P3H2: variants seen among roughly 807,000 people sequenced by gnomAD.
P3H2 encodes the protein prolyl 3-hydroxylase 2, also known as leprecan-like 1.
In P3H2, 80 loss-of-function variants were observed where a neutral mutation model predicts 87.0. That is an observed-to-expected ratio of 0.92 (90% CI 0.77 to 1.11). P3H2 has a LOEUF of 1.11. Among genes scored for constraint, P3H2 ranks in the 50% least tolerant of loss-of-function variants. P3H2 has a pLI of 0.00. For synonymous variants in P3H2, 367 were observed against 359.3 expected (o/e 1.02, Z -0.24); for missense variants, 1,001 against 923.9 (o/e 1.08, Z -1.08).
chr3:190,018,872 A>G (rs1358132546), intron 1 of P3H2, among the ~76,000 whole-genome samples: 2 of 152,186 alleles, frequency 1.3e-5, no homozygotes, highest in African/African-American at 4.8e-5. Context: ...TCACTCTTTC[A>G]GGTCAGAACA....
intron 1 of P3H2, among the ~76,000 whole-genome samples, chr3:190,089,349 G>T (rs756178410): frequency 6.6e-6 from 1 of 152,122 alleles, no homozygotes; most frequent in South Asian, 2.1e-4. Flanking sequence ...GCACATGTAC[G>T]CTACAACTTA....
chr3:190,035,582 A>C (rs928479276), intron 1 of P3H2, among the ~76,000 whole-genome samples: 7 of 152,184 alleles, frequency 4.6e-5, no homozygotes, highest in Admixed American at 4.6e-4. Context: ...TATGATGTAT[A>C]TAGCAATTTT....
intron 1 of P3H2, among the ~76,000 whole-genome samples, chr3:190,108,079 T>C (rs905982825): frequency 1.3e-5 from 2 of 152,182 alleles, no homozygotes; most frequent in African/African-American, 2.4e-5. Flanking sequence ...AGTGTTGGGA[T>C]TACAGGCATG....
At chr3:189,999,517 A>G (rs1221163679) in intron 1 of P3H2, among the ~76,000 whole-genome samples, 1 of 152,188 alleles carries the variant, frequency 6.6e-6, no homozygotes, top group Non-Finnish European at 1.5e-5. Context: ...ATAATGTCAT[A>G]TGATTGGATG....
At chr3:189,987,478 T>TA in intron 5 of P3H2, 49 bp downstream of exon 5, 1 of 1,454,526 alleles carries the variant, frequency 6.9e-7, no homozygotes, top group Non-Finnish European at 9.4e-7. Flanking sequence ...AAACTCTGTC[T>TA]TAAAAAAAAA....
intron 12 of P3H2, 38 bp from the exon 13 acceptor site, chr3:189,970,929 T>C (rs1209471594): frequency 4.4e-6 from 5 of 1,130,290 alleles, no homozygotes; most frequent in Non-Finnish European, 6.8e-6. Context: ...TATTATTATA[T>C]GCTTATGAGA....
At chr3:190,047,952 G>T (rs141563578) in intron 1 of P3H2, among the ~76,000 whole-genome samples, 96 of 152,268 alleles carry the variant, frequency 6.3e-4, no homozygotes, top group African/African-American at 2.2e-3. Context: ...TCAACACAAA[G>T]AAATGCTTTA....
chr3:190,022,990 C>T (rs1724976367), intron 1 of P3H2, among the ~76,000 whole-genome samples: 1 of 151,930 alleles, frequency 6.6e-6, no homozygotes, highest in African/African-American at 2.4e-5. Flanking sequence ...CCACGCCTGG[C>T]TAATTTTTTG....
intron 1 of P3H2, among the ~76,000 whole-genome samples, chr3:190,112,299 TACTAATGTTTCATTAATGTGGCAG>T (rs1712100284): frequency 6.6e-6 from 1 of 152,252 alleles, no homozygotes; most frequent in East Asian, 1.9e-4. Context: ...ATGGTTGCAG[TACTAATGTTTCATTAATGTGGCAG>T]ACGGGCAGTG....
Position 189,956,914 on chromosome 3 carries a change from G to A in P3H2, c.*998C>T. ...GTGGACCCCACTCCTAGGCAACCTG[G>A]CCATGGTGCCCGGATGCAGGCAGTA... On this transcript the variant is annotated 3_prime_UTR_variant, in exon 15 of 15. Coordinates refer to ENST00000319332, the MANE Select transcript of P3H2 (RefSeq NM_018192.4). 1 of 393,084 alleles carries A rather than the reference G, an allele frequency of 2.5e-6. No individual in the cohort carries two copies. The highest frequency in any genetic ancestry group is 4.5e-6 in the Non-Finnish European group (1 of 223,256). The allele number at this position is 393,084 out of a possible 1,614,324, so 24.3% of individuals were successfully genotyped here.
At chr3:190,064,265 G>A (rs1052425707) in intron 1 of P3H2, among the ~76,000 whole-genome samples, 11 of 151,486 alleles carry the variant, frequency 7.3e-5, no homozygotes, top group Non-Finnish European at 1.5e-4. Context: ...CTCCAACCTC[G>A]GCCTCCCAAA....
In P3H2 at chr3:189,987,567, A is replaced by T. The variant is rs116315439; in HGVS notation, c.1058T>A (p.Leu353Gln). 17 of 1,614,054 alleles carry T rather than the reference A, an allele frequency of 1.1e-5. No individual in the cohort carries two copies. The African/African-American group carries it at 1.5e-4, about 14-fold the overall frequency. Reference sequence around the variant, plus strand: ...GGATGCCGGGTCAATGCTATCATCCAGCAGACTCTCATAGTAATCCACATT... The same window carrying T: ...GGATGCCGGGTCAATGCTATCATCCTGCAGACTCTCATAGTAATCCACATT... The part of the protein sequence containing the change: ...LDNVDYYESL[L>Q]DDSIDPASIE... Residue 353 changes from leucine to glutamine, a missense_variant, in exon 5 of 15, where the codon CTG (leucine) becomes CAG (glutamine). Physicochemically the swap from Leu to Gln is moderately radical, Grantham distance 113 (BLOSUM62 -2). Coordinates refer to ENST00000319332, the MANE Select transcript of P3H2 (RefSeq NM_018192.4).
chr3:189,995,394 C>G lies in P3H2; in HGVS notation c.529G>C (p.Ala177Pro). 1 of 1,613,916 alleles carries G rather than the reference C, an allele frequency of 6.2e-7. No homozygotes were observed. The highest frequency in any genetic ancestry group is 8.5e-7 in the Non-Finnish European group (1 of 1,179,984). ...TGCATTTCCATGTGCTCAGGGTTAG[C>G]CACGAAAAATGTGTGAGCTGCTTCC... The part of the protein sequence containing the change: ...AVEAAHTFFV[A>P]NPEHMEMQQN... Residue 177 changes from alanine (A) to proline (P), a missense_variant, in exon 2 of 15, where the codon GCT becomes CCT. Physicochemically the swap from Ala to Pro is conservative, Grantham distance 27. Coordinates refer to ENST00000319332, the MANE Select transcript of P3H2 (RefSeq NM_018192.4).
chr3:190,078,850 T>C (rs1273012565), intron 1 of P3H2, among the ~76,000 whole-genome samples: 3 of 152,204 alleles, frequency 2.0e-5, no homozygotes, highest in South Asian at 2.1e-4. Flanking sequence ...TCCGTGTGGA[T>C]GCCCTAATGT....
At chr3:190,015,351 T>C (rs1383951268) in intron 1 of P3H2, among the ~76,000 whole-genome samples, 4 of 152,218 alleles carry the variant, frequency 2.6e-5, no homozygotes, top group East Asian at 1.9e-4. Context: ...GCTTAAATAG[T>C]ATAATCTGCT....
At chr3:190,058,033 A>C (rs115749005) in intron 1 of P3H2, among the ~76,000 whole-genome samples, 1,590 of 152,272 alleles carry the variant, frequency 0.01, 29 homozygotes, top group African/African-American at 0.028. Context: ...GATAAAAAAC[A>C]GGATTGAAAG....
At chr3:189,972,104 T>C (rs1049866063) in intron 11 of P3H2, 97 bp from the exon 12 acceptor site, 3 of 795,662 alleles carry the variant, frequency 3.8e-6, no homozygotes, top group African/African-American at 3.4e-5. Context: ...TGATGATCTT[T>C]GCAAATGGGC....
chr3:190,083,255 A>T (rs770436278), intron 1 of P3H2, among the ~76,000 whole-genome samples: 1 of 152,210 alleles, frequency 6.6e-6, no homozygotes, highest in Non-Finnish European at 1.5e-5. Context: ...TGCAGAAGGG[A>T]TGGGATGTTC....
chr3:189,960,005 G>A (rs1006065660), intron 14 of P3H2, among the ~76,000 whole-genome samples: 2 of 151,886 alleles, frequency 1.3e-5, no homozygotes, highest in East Asian at 1.9e-4. Flanking sequence ...CCGCCTCCAC[G>A]TCCTCTACTG....
Sources: allele counts gnomAD v4.1 joint callset (sites outside exome capture counted in the v4.1 genomes callset), GRCh38; gene constraint gnomAD v4.1.1; transcripts MANE v1.5; gene names NCBI Gene and HGNC (gene_info 2026-07-23, HGNC 2026-07-21).